PRKAR1A: variants seen among roughly 807,000 people sequenced by gnomAD.
PRKAR1A encodes protein kinase cAMP-dependent type I regulatory subunit alpha.
PRKAR1A carries 3 observed loss-of-function variants against 52.0 expected under a neutral mutation model. The ratio of observed to expected loss-of-function variants is 0.06; its 90% CI spans 0.03 to 0.15. The LOEUF (loss-of-function observed/expected upper bound fraction) is 0.15, where lower values mean the gene tolerates loss of function less well. Among genes scored for constraint, PRKAR1A ranks in the 10% least tolerant of loss-of-function variants. The pLI is 1.00. For missense variants in PRKAR1A, 240 were observed against 477.4 expected, an observed-to-expected ratio of 0.50 and a Z score of 4.63; for synonymous variants, 188 against 168.4, an observed-to-expected ratio of 1.12 and a Z score of -0.90.
intron 1 of PRKAR1A, among the ~76,000 whole-genome samples, chr17:68,513,596 T>TGGG (rs1185343922): frequency 6.6e-6 from 1 of 152,180 alleles, no homozygotes; most frequent in Non-Finnish European, 1.5e-5. Flanking sequence ...TAATTGTGTG[T>TGGG]GGGGAGGGAA....
chr17:68,423,078 A>G, the PRKAR1A span, among the ~76,000 whole-genome samples: 1 of 152,316 alleles, frequency 6.6e-6, no homozygotes, highest in South Asian at 2.1e-4. The surrounding 1 kb of genome is among the most constrained non-coding windows in gnomAD (Gnocchi z 4.4). Flanking sequence ...CAGACTACTC[A>G]GGCAAGCCTA....
At chr17:68,476,940 G>A in the PRKAR1A span, among the ~76,000 whole-genome samples, 2 of 152,186 alleles carry the variant, frequency 1.3e-5, no homozygotes, top group Admixed American at 6.5e-5. Flanking sequence ...GATTACAGGC[G>A]TGAGCCACCG....
chr17:68,478,469 A>AACC, the PRKAR1A span, among the ~76,000 whole-genome samples: 1 of 152,154 alleles, frequency 6.6e-6, no homozygotes, highest in Non-Finnish European at 1.5e-5. Flanking sequence ...CAACAACAAC[A>AACC]ACAAAAAACA....
intron 2 of PRKAR1A, among the ~76,000 whole-genome samples, chr17:68,521,573 T>C (rs1255970090): frequency 6.6e-6 from 1 of 152,260 alleles, no homozygotes; most frequent in Non-Finnish European, 1.5e-5. Context: ...TTGAGTTTTA[T>C]ACCTGTGTTA....
chr17:68,427,927 T>A, the PRKAR1A span, among the ~76,000 whole-genome samples: 3 of 152,202 alleles, frequency 2.0e-5, no homozygotes, highest in Admixed American at 6.5e-5. Flanking sequence ...TCTCACTCTG[T>A]TGCCCAGGCT....
chr17:68,528,780 G>T, intron 8 of PRKAR1A, 90 bp from the exon 9 acceptor site: 1 of 1,516,842 alleles, frequency 6.6e-7, no homozygotes, highest in South Asian at 1.1e-5. Flanking sequence ...AATGGGCATG[G>T]CTATTTGGTT....
At chr17:68,549,643 A>C (rs1464748645) in intron 11 of PRKAR1A, among the ~76,000 whole-genome samples, 2 of 152,120 alleles carry the variant, frequency 1.3e-5, no homozygotes, top group Admixed American at 1.3e-4. Context: ...TTTCTCTATC[A>C]GTATTCCTTA....
chr17:68,485,173 T>G, the PRKAR1A span, among the ~76,000 whole-genome samples: 1 of 152,166 alleles, frequency 6.6e-6, no homozygotes, highest in Non-Finnish European at 1.5e-5. Flanking sequence ...AAACAAGCAG[T>G]AGTTTACGCA....
At chr17:68,542,284 GAAA>G (rs984505598) in intron 11 of PRKAR1A, 6 of 1,077,780 alleles carry the variant, frequency 5.6e-6, no homozygotes, top group Middle Eastern at 2.0e-4. Context: ...CTCGGGAAGA[GAAA>G]GAAGAAGAAG....
At chr17:68,433,276 G>A in the PRKAR1A span, among the ~76,000 whole-genome samples, 126 of 152,356 alleles carry the variant, frequency 8.3e-4, no homozygotes, top group Middle Eastern at 3.4e-3. Context: ...TCACGTGGGT[G>A]GCTCCCAGTT....
At chr17:68,500,943 G>A in the PRKAR1A span, among the ~76,000 whole-genome samples, 3 of 152,154 alleles carry the variant, frequency 2.0e-5, no homozygotes, top group Non-Finnish European at 2.9e-5. Flanking sequence ...TGGAAACAAC[G>A]CAGTTTTCAC....
chr17:68,537,591 G>T (rs750439786), downstream of PRKAR1A: 1 of 1,613,604 alleles, frequency 6.2e-7, no homozygotes, highest in Non-Finnish European at 8.5e-7. The surrounding 1 kb of genome is among the most constrained non-coding windows in gnomAD (Gnocchi z 4.2). Flanking sequence ...TCCTTAGGAT[G>T]GTTTGGAGCC....
chr17:68,423,539 G>C, the PRKAR1A span, among the ~76,000 whole-genome samples: 1 of 152,160 alleles, frequency 6.6e-6, no homozygotes, highest in Admixed American at 6.5e-5. This position sits in a 1 kb window ranked among gnomAD's most constrained non-coding sequence, Gnocchi z 4.4. Context: ...CTTGTTCAGT[G>C]ACCACTCTCA....
the PRKAR1A span, among the ~76,000 whole-genome samples, chr17:68,448,714 G>C: frequency 2.6e-5 from 4 of 152,130 alleles, no homozygotes; most frequent in Non-Finnish European, 5.9e-5. Context: ...AGATCATCAG[G>C]TGCCAAAAAC....
At chr17:68,525,998 T>G in intron 7 of PRKAR1A, 86 bp downstream of exon 7, 1 of 1,471,362 alleles carries the variant, frequency 6.8e-7, no homozygotes, top group Non-Finnish European at 9.3e-7. Context: ...AAAAAGAGAA[T>G]ATTTCTTTTA....
Position 68,532,827 on chromosome 17 carries a change from G to GA in PRKAR1A, c.*2381dup. The GA allele has an allele frequency of 1.9e-6, 2 of 1,066,196 alleles. No homozygotes were observed. Among genetic ancestry groups the GA allele is most frequent in the Non-Finnish European group, 2.3e-6 (2 of 879,732 alleles). 66.0% of individuals were successfully genotyped at this position (1,066,196 alleles called of 1,614,324 possible). A position where few individuals can be genotyped will look rare whatever the true frequency, so the allele number is the denominator to read the frequency against. ...GTCTTTCCTCTCTCTGTCCTTCCCC[G>GA]AAAGTCTACTCGGGTGGGCAAAAAT... On this transcript the variant is annotated 3_prime_UTR_variant, in exon 11 of 11. Transcript: ENST00000589228.
At chr17:68,470,847 CAAAAT>C in the PRKAR1A span, among the ~76,000 whole-genome samples, 1 of 152,048 alleles carries the variant, frequency 6.6e-6, no homozygotes, top group Non-Finnish European at 1.5e-5. Context: ...CTCAGAAAAC[CAAAAT>C]AATGTATGAA....
At chr17:68,487,725 A>T in the PRKAR1A span, among the ~76,000 whole-genome samples, 1 of 151,702 alleles carries the variant, frequency 6.6e-6, no homozygotes, top group Admixed American at 6.6e-5. Context: ...GGCTTGAAGC[A>T]GGAGGCGGAG....
At chr17:68,533,636 G>C (rs2086035212), downstream of PRKAR1A, among the ~76,000 whole-genome samples, 1 of 152,224 alleles carries the variant, frequency 6.6e-6, no homozygotes, top group Non-Finnish European at 1.5e-5. Context: ...GGCCCTGGCA[G>C]TGTATGTTTA....
Sources: gnomAD v4.1 joint callset for allele counts (sites outside exome capture counted in the v4.1 genomes callset) on GRCh38, gnomAD v4.1.1 for gene constraint, Gnocchi (gnomAD v3.1) non-coding constraint, MANE v1.5 for transcripts, NCBI Gene and HGNC (gene_info 2026-07-23, HGNC 2026-07-21) for gene names.